DOCK8: variants seen among roughly 807,000 people sequenced by gnomAD.
The protein encoded by DOCK8 is dedicator of cytokinesis 8, also known as dedicator of cytokinesis protein 8.
In DOCK8, 141 loss-of-function variants were observed where a neutral mutation model predicts 245.6. That is an observed-to-expected ratio of 0.57 (90% CI 0.50 to 0.66). The LOEUF is 0.66. Ranked by LOEUF, DOCK8 falls within the 30% of genes least tolerant of loss-of-function variation. DOCK8 has a pLI of 0.00. For missense variants in DOCK8, 2,965 were observed against 2,603.4 expected, an observed-to-expected ratio of 1.14 and a Z score of -3.02; for synonymous variants, 1,168 against 970.2, an observed-to-expected ratio of 1.20 and a Z score of -3.79.
chr9:349,533 A>G (rs192051290), intron 14 of DOCK8, among the ~76,000 whole-genome samples: 1 of 152,256 alleles, frequency 6.6e-6, no homozygotes, highest in African/African-American at 2.4e-5. Context: ...CTCAAAGCCT[A>G]TTTCTTATCT....
At chr9:375,099 G>A (rs571083003) in intron 18 of DOCK8, among the ~76,000 whole-genome samples, 1 of 152,250 alleles carries the variant, frequency 6.6e-6, no homozygotes, top group African/African-American at 2.4e-5. Flanking sequence ...TCAAATATTG[G>A]TAATTAATTT....
intron 5 of DOCK8, among the ~76,000 whole-genome samples, chr9:305,575 A>C (rs117893771): frequency 6.6e-6 from 1 of 152,110 alleles, no homozygotes; most frequent in Non-Finnish European, 1.5e-5. Context: ...ATGAGCCACC[A>C]CGCCTGGCCA....
chr9:312,837 C>T, intron 6 of DOCK8: 2 of 185,284 alleles, frequency 1.1e-5, no homozygotes, highest in South Asian at 2.2e-4. Context: ...ATAGGAGGCT[C>T]TCAGTTTTCC....
At chr9:381,883 C>G (rs2053733742) in intron 21 of DOCK8, among the ~76,000 whole-genome samples, 7 of 151,876 alleles carry the variant, frequency 4.6e-5, no homozygotes, top group Non-Finnish European at 1.5e-5. Flanking sequence ...TTGCTTGAAC[C>G]TGGGAGGCGG....
chr9:215,157 T>G (rs1329808546), intron 1 of DOCK8, 128 bp downstream of exon 1: 1 of 1,491,616 alleles, frequency 6.7e-7, no homozygotes, highest in Non-Finnish European at 8.9e-7. Context: ...GCCTGAGACC[T>G]GGGGCGCCCG....
In DOCK8 at chr9:370,750, C is replaced by A. The variant is rs1032680938; in HGVS notation, c.1868+450C>A. 2.6e-5 allele frequency among the ~76,000 whole-genome samples: 4 copies of A among 152,110 alleles called. No individual in the cohort carries two copies. The East Asian group carries it at 7.7e-4, about 29-fold the overall frequency. On this transcript the variant is annotated intron_variant, in intron 16 of 47. Coordinates refer to ENST00000432829, the MANE Select transcript of DOCK8 (RefSeq NM_203447.4). ...TCATTATTCCACCGGCAAATGGAGT[C>A]ATGGGATAATGCCCACCCTATTATT...
chr9:383,780 G>A (rs1176475430), intron 22 of DOCK8, among the ~76,000 whole-genome samples: 1 of 151,712 alleles, frequency 6.6e-6, no homozygotes, highest in Non-Finnish European at 1.5e-5. Flanking sequence ...ATCCTGAGAG[G>A]GTTGATGGCT....
chr9:384,133 T>G (rs1352763186), intron 22 of DOCK8, among the ~76,000 whole-genome samples: 3 of 152,228 alleles, frequency 2.0e-5, no homozygotes, highest in Non-Finnish European at 4.4e-5. Context: ...TTCATGACCT[T>G]GACAGTTTTG....
chr9:343,648 A>C (rs961985323), intron 14 of DOCK8, among the ~76,000 whole-genome samples: 1 of 152,170 alleles, frequency 6.6e-6, no homozygotes, highest in Non-Finnish European at 1.5e-5. Context: ...CTCATTCCTT[A>C]CATCTAAACT....
chr9:384,220 A>G (rs187769548), intron 22 of DOCK8, among the ~76,000 whole-genome samples: 18 of 152,340 alleles, frequency 1.2e-4, no homozygotes, highest in East Asian at 3.9e-4. Context: ...TTCACATACC[A>G]TAAAATTCAC....
At chr9:458,211 A>G (rs1252156984) in intron 46 of DOCK8, 1 of 152,262 alleles carries the variant, frequency 6.6e-6, no homozygotes, top group Admixed American at 6.5e-5. Context: ...TTGCCATGCC[A>G]TCCTGGTTCT....
Position 355,440 on chromosome 9 carries a change from G to C in DOCK8, c.1680-12578G>C, listed in dbSNP as rs144764738. On this transcript the variant is annotated intron_variant, in intron 14 of 47. Coordinates refer to ENST00000432829, the MANE Select transcript of DOCK8 (RefSeq NM_203447.4). ...GATGGTCTCAGTCTCCTGACCCTGT[G>C]ATCTACCCACCTTGGCCTCCCAAAG... 5.4e-3 allele frequency among the ~76,000 whole-genome samples: 816 copies of C among 152,012 alleles called. 14 individuals are homozygous for C. Among genetic ancestry groups the C allele is most frequent in the African/African-American group, 0.018 (763 of 41,468 alleles).
rs138521760 is a variant in DOCK8, at chr9:286,508, G to A, written c.204G>A (p.Leu68=). The change falls in exon 3 of 48, where the codon CTG becomes CTA. Residue 68 remains leucine (L), a synonymous_variant. Transcript: ENST00000432829. ...PVEPVDFEGL[L]MTHLNSLDVQ... ...AGCCAGTGGACTTTGAAGGACTTCT[G>A]ATGACACACCTGAACAGCCTGGATG... is the stretch of plus-strand genomic sequence containing the variant. 5.6e-6 allele frequency: 9 copies of A among 1,613,924 alleles called. No homozygotes were observed. The African/African-American group carries it at 9.3e-5, about 17-fold the overall frequency.
At chr9:294,073 G>A (rs2049156192) in intron 4 of DOCK8, among the ~76,000 whole-genome samples, 1 of 152,044 alleles carries the variant, frequency 6.6e-6, no homozygotes, top group South Asian at 2.1e-4. Flanking sequence ...ATGTATTAAT[G>A]TATGTACTTA....
rs781435688 is a variant in DOCK8, at chr9:406,953, C to G, written c.3414C>G (p.Phe1138Leu). Residue 1138 changes from phenylalanine to leucine, a missense_variant, in exon 28 of 48, where the codon TTC becomes TTG. Phe to Leu is a conservative substitution (Grantham distance 22, BLOSUM62 0). Coordinates refer to ENST00000432829, the MANE Select transcript of DOCK8 (RefSeq NM_203447.4). ...SSQNSSSCSS[F>L]QDQKIASMFD... Reference sequence around the variant, plus strand: ...AGAACTCAAGCTCCTGCTCCAGCTTCCAGGACCAGAAGATCGCCAGCATGT... The same window carrying G: ...AGAACTCAAGCTCCTGCTCCAGCTTGCAGGACCAGAAGATCGCCAGCATGT... 1 of 1,613,966 alleles carries G rather than the reference C, an allele frequency of 6.2e-7. No individual in the cohort carries two copies. Among genetic ancestry groups the G allele is most frequent in the Admixed American group, 1.7e-5 (1 of 59,998 alleles).
At chr9:344,157 A>C (rs944322338) in intron 14 of DOCK8, among the ~76,000 whole-genome samples, 11 of 152,110 alleles carry the variant, frequency 7.2e-5, no homozygotes, top group African/African-American at 2.7e-4. Context: ...CCTGTTAGAA[A>C]CCAGGTCTTG....
intron 10 of DOCK8, among the ~76,000 whole-genome samples, chr9:333,927 T>C (rs891791034): frequency 3.9e-5 from 6 of 152,236 alleles, no homozygotes; most frequent in Admixed American, 3.9e-4. Flanking sequence ...ACCAAAAGAA[T>C]TGATAATCTG....
At chr9:431,820 T>TA (rs1280640402) in intron 36 of DOCK8, among the ~76,000 whole-genome samples, 2 of 152,106 alleles carry the variant, frequency 1.3e-5, no homozygotes, top group Non-Finnish European at 2.9e-5. Context: ...AAAGTTTAAA[T>TA]AAAGTCCCAA....
intron 5 of DOCK8, 118 bp downstream of exon 5, chr9:304,822 C>G: frequency 1.4e-6 from 2 of 1,389,076 alleles, no homozygotes; most frequent in South Asian, 1.2e-5. Context: ...GTAGGAGGAA[C>G]TTTACCATCT....
Sources: gnomAD v4.1 joint callset for allele counts (sites outside exome capture counted in the v4.1 genomes callset) on GRCh38, gnomAD v4.1.1 for gene constraint, MANE v1.5 for transcripts, NCBI Gene and HGNC (gene_info 2026-07-23, HGNC 2026-07-21) for gene names.